Variants in TMEM117 observed in about 807,000 individuals in gnomAD.
TMEM117 encodes the protein transmembrane protein 117.
A neutral mutation model predicts 52.4 loss-of-function variants in TMEM117; 27 were observed. The observed-to-expected ratio is 0.51, with a 90% CI of 0.38 to 0.71. TMEM117 has a LOEUF of 0.71. Among genes scored for constraint, TMEM117 ranks in the 30% least tolerant of loss-of-function variants. The probability of loss-of-function intolerance (pLI) is 0.00; values close to 1 mark genes in which losing one functional copy is unlikely to be tolerated. For missense variants in TMEM117, 556 were observed against 630.5 expected (o/e 0.88, Z 1.26); for synonymous variants, 215 against 206.3 (o/e 1.04, Z -0.36).
intron 4 of TMEM117, among the ~76,000 whole-genome samples, chr12:44,172,770 G>A (rs140683580): frequency 6.6e-6 from 1 of 152,216 alleles, no homozygotes; most frequent in Non-Finnish European, 1.5e-5. Context: ...TGTCACCCAG[G>A]CTGGAGTGCA....
the TMEM117 span, chr12:43,797,612 G>A: frequency 6.8e-7 from 1 of 1,468,022 alleles, no homozygotes; most frequent in Non-Finnish European, 9.1e-7. Context: ...AAATCAGAAA[G>A]CTATTTAAAA....
chr12:43,866,405 G>A (rs1373232781), intron 2 of TMEM117, among the ~76,000 whole-genome samples: 15 of 144,248 alleles, frequency 1.0e-4, no homozygotes, highest in Non-Finnish European at 2.2e-4. Context: ...AGACCTCATC[G>A]CTACCAAAAA....
At chr12:43,796,887 T>G in the TMEM117 span, 1 of 1,349,864 alleles carries the variant, frequency 7.4e-7, no homozygotes, top group Non-Finnish European at 1.0e-6. Flanking sequence ...ATAAATATTT[T>G]CATTTATAAA....
At chr12:44,217,770 A>G (rs1949736785) in intron 5 of TMEM117, among the ~76,000 whole-genome samples, 1 of 152,206 alleles carries the variant, frequency 6.6e-6, no homozygotes, top group Non-Finnish European at 1.5e-5. Flanking sequence ...TGTAAGCTGG[A>G]CAAAGCTTTG....
the TMEM117 span, chr12:43,798,590 T>C: frequency 5.9e-6 from 9 of 1,520,132 alleles, no homozygotes; most frequent in South Asian, 2.5e-5. Flanking sequence ...TGGGCTCTGA[T>C]TGCAAGAAAT....
At chr12:43,808,108 A>G in the TMEM117 span, among the ~76,000 whole-genome samples, 1 of 152,246 alleles carries the variant, frequency 6.6e-6, no homozygotes, top group Non-Finnish European at 1.5e-5. Flanking sequence ...GTAAGAAACA[A>G]ACCATTTGAA....
intron 2 of TMEM117, among the ~76,000 whole-genome samples, chr12:43,849,546 A>G (rs1258359390): frequency 2.0e-5 from 3 of 152,242 alleles, no homozygotes; most frequent in African/African-American, 7.2e-5. Context: ...GGTATAAGTA[A>G]TCAGCCCTGA....
chr12:43,850,098 C>G (rs1010209907), intron 2 of TMEM117, among the ~76,000 whole-genome samples: 1 of 152,094 alleles, frequency 6.6e-6, no homozygotes, highest in Admixed American at 6.5e-5. Flanking sequence ...CTGACACATC[C>G]GTTTTCACAG....
chr12:44,249,188 TTGTG>T, intron 5 of TMEM117, among the ~76,000 whole-genome samples: 1 of 150,550 alleles, frequency 6.6e-6, no homozygotes, highest in Admixed American at 6.6e-5. Context: ...TGGGAGGGTT[TTGTG>T]TGTGTGTGTG....
At chr12:43,948,096 C>T (rs778191214) in intron 3 of TMEM117, among the ~76,000 whole-genome samples, 9 of 152,152 alleles carry the variant, frequency 5.9e-5, no homozygotes, top group Middle Eastern at 3.4e-3. Context: ...TATGCACTAA[C>T]TCTTATGGCT....
rs191145586 is a variant in TMEM117, at chr12:43,977,645, C to A, written c.410+33303C>A. On this transcript the variant is annotated intron_variant, in intron 3 of 7. Coordinates refer to ENST00000266534, the MANE Select transcript of TMEM117 (RefSeq NM_032256.3). Reference sequence around the variant, plus strand: ...TGCAGGGTCCTTACTCATATTCCCCCTTTTTTGTTTTCTGAGCATATTTTT... The same window carrying A: ...TGCAGGGTCCTTACTCATATTCCCCATTTTTTGTTTTCTGAGCATATTTTT... Among the ~76,000 whole-genome samples, 798 of 152,192 alleles carry A rather than the reference C, an allele frequency of 5.2e-3. 6 individuals carry two copies. The highest frequency in any genetic ancestry group is 0.012 in the Admixed American group (179 of 15,272).
At chr12:44,230,073 A>G (rs1949913586) in intron 5 of TMEM117, among the ~76,000 whole-genome samples, 1 of 152,122 alleles carries the variant, frequency 6.6e-6, no homozygotes, top group South Asian at 2.1e-4. Context: ...TCCTGAGTCA[A>G]GCCCCTATTA....
intron 3 of TMEM117, among the ~76,000 whole-genome samples, chr12:43,988,659 G>A (rs1483289393): frequency 6.6e-6 from 1 of 151,970 alleles, no homozygotes. Flanking sequence ...TGGGTACAAT[G>A]TATATTATTT....
At chr12:44,274,288 A>G (rs897932484) in intron 5 of TMEM117, among the ~76,000 whole-genome samples, 1 of 152,160 alleles carries the variant, frequency 6.6e-6, no homozygotes, top group Non-Finnish European at 1.5e-5. Context: ...TAAAACACTA[A>G]TGAAAGAAAT....
intron 4 of TMEM117, among the ~76,000 whole-genome samples, chr12:44,183,944 G>A (rs1949240576): frequency 6.6e-6 from 1 of 152,094 alleles, no homozygotes; most frequent in Non-Finnish European, 1.5e-5. Context: ...TTCTAAACAT[G>A]TCCCCCAGCA....
intron 6 of TMEM117, among the ~76,000 whole-genome samples, chr12:44,319,773 A>G (rs1951106775): frequency 6.6e-6 from 1 of 152,196 alleles, no homozygotes; most frequent in African/African-American, 2.4e-5. Flanking sequence ...TTAATTCAAT[A>G]TTTAAAATTC....
the TMEM117 span, among the ~76,000 whole-genome samples, chr12:43,821,894 T>C: frequency 2.0e-5 from 3 of 152,224 alleles, no homozygotes; most frequent in African/African-American, 7.2e-5. Flanking sequence ...TTTAAAAAAG[T>C]ATTATTTTGT....
At chr12:44,218,451 A>G (rs1949747512) in intron 5 of TMEM117, among the ~76,000 whole-genome samples, 2 of 152,130 alleles carry the variant, frequency 1.3e-5, no homozygotes, top group African/African-American at 4.8e-5. Flanking sequence ...CATGATAAAA[A>G]CTCTACAAAC....
the TMEM117 span, among the ~76,000 whole-genome samples, chr12:43,824,183 CTA>C: frequency 3.9e-5 from 6 of 152,224 alleles, no homozygotes; most frequent in Non-Finnish European, 7.3e-5. Flanking sequence ...CTATCGAATT[CTA>C]ATACAGAATC....
Sources: allele counts gnomAD v4.1 joint callset (sites outside exome capture counted in the v4.1 genomes callset), GRCh38; gene constraint gnomAD v4.1.1; transcripts MANE v1.5; gene names NCBI Gene and HGNC (gene_info 2026-07-23, HGNC 2026-07-21).